CLDN11: variants seen among roughly 807,000 people sequenced by gnomAD.
CLDN11 encodes the protein claudin-11.
CLDN11 carries 1 observed loss-of-function variant against 18.0 expected under a neutral mutation model. The observed-to-expected ratio is 0.06, with a 90% confidence interval of 0.02 to 0.26. CLDN11 has a LOEUF of 0.26. CLDN11 is among the 10% of genes least tolerant of loss of function. The pLI is 1.00. For synonymous variants in CLDN11, 116 were observed against 121.5 expected (o/e 0.96, Z 0.30); for missense variants, 172 against 276.6 (o/e 0.62, Z 2.68).
At position 170,432,762 on chromosome 3, in the gene CLDN11, C is replaced by T. The variant is rs539467253; in HGVS notation, c.*6C>T. The T allele has an allele frequency of 6.2e-7, 1 of 1,613,744 alleles. No individual in the cohort carries two copies. ...CGAAGAGTGCCCACGTATAAGAGGG[C>T]TGCCCGGCTGCCCACAGAGGTGCTG... On this transcript the variant is annotated 3_prime_UTR_variant, in exon 3 of 3. Transcript: ENST00000064724.
In CLDN11 at chr3:170,424,491, A is replaced by G. The variant is rs184042814; in HGVS notation, c.391+1164A>G. ...CATAAAGGGCTTCATTTAACAACCT[A>G]TGGAGGGTCCTTCTAGCTCTCTTCT... On this transcript the variant is annotated intron_variant, in intron 2 of 2. Transcript: ENST00000064724. 4.6e-5 allele frequency among the ~76,000 whole-genome samples: 7 copies of G among 152,326 alleles called. No individual in the cohort carries two copies. In the East Asian group the frequency reaches 7.7e-4, roughly 17 times the overall value.
intron 2 of CLDN11, among the ~76,000 whole-genome samples, chr3:170,426,864 C>T (rs2108246346): frequency 6.6e-6 from 1 of 152,170 alleles, no homozygotes; most frequent in African/African-American, 2.4e-5. Context: ...TCACTGCAAC[C>T]TCTGCCACCT....
rs761111067 is a variant in CLDN11 at position 170,433,924 on chromosome 3, TG to T, written c.*1169del. 2.0e-5 allele frequency: 3 copies of T among 152,596 alleles called. No individual in the cohort carries two copies. Among genetic ancestry groups the T allele is most frequent in the Non-Finnish European group, 2.9e-5 (2 of 68,048 alleles). The allele number at this position is 152,596 out of a possible 1,614,324, so 9.5% of individuals were successfully genotyped here. ...CCCCCACTTTTCTCTCTATTTGTAT[TG>T]TTAGCCATCTTGAAGTGATGTTGTT... is the stretch of plus-strand genomic sequence containing the variant. On this transcript the variant is annotated 3_prime_UTR_variant, in exon 3 of 3. Coordinates refer to ENST00000064724, the MANE Select transcript of CLDN11 (RefSeq NM_005602.6).
chr3:170,423,070 G>A, intron 1 of CLDN11, 93 bp from the exon 2 acceptor site: 1 of 1,335,132 alleles, frequency 7.5e-7, no homozygotes, highest in Non-Finnish European at 1.1e-6. Flanking sequence ...CAAGAAGGAG[G>A]AAGGGAGATG....
rs1255188292 is a variant in CLDN11 at position 170,434,050 on chromosome 3, T to G, written c.*1294T>G. ...ACTCTCCAAATACTGATGGTGCATT[T>G]TATTCTTGAAGTGAAATCTGTGCAA... On this transcript the variant is annotated 3_prime_UTR_variant, in exon 3 of 3. Coordinates refer to ENST00000064724, the MANE Select transcript of CLDN11 (RefSeq NM_005602.6). The G allele has an allele frequency of 6.6e-6, 1 of 152,612 alleles. No homozygotes were observed. Among genetic ancestry groups the G allele is most frequent in the African/African-American group, 2.4e-5 (1 of 41,446 alleles). 9.5% of individuals were successfully genotyped at this position (152,612 alleles called of 1,614,324 possible). A position where few individuals can be genotyped will look rare whatever the true frequency, so the allele number is the denominator to read the frequency against.
chr3:170,424,935 G>T (rs1003644270), intron 2 of CLDN11, among the ~76,000 whole-genome samples: 1 of 47,356 alleles, frequency 2.1e-5, no homozygotes. Context: ...GTGTGTGTGT[G>T]TGTGTGCGCG....
chr3:170,421,196 C>A lies in CLDN11; in HGVS notation c.226+1904C>A, dbSNP rs528214277. ...GGCGCTAGTCCTTCCTGCCTTCCCC[C>A]TCCCTCATACTTTGGGTGGAGGCAG... On this transcript the variant is annotated intron_variant, in intron 1 of 2. Transcript: ENST00000064724. 3.7e-5 allele frequency: 28 copies of A among 757,126 alleles called. No individual in the cohort carries two copies. In the African/African-American group the frequency reaches 4.0e-4, roughly 11 times the overall value. The allele number at this position is 757,126 out of a possible 1,614,324, so 46.9% of individuals were successfully genotyped here.
intron 2 of CLDN11, among the ~76,000 whole-genome samples, chr3:170,428,225 C>T (rs1738910844): frequency 6.6e-6 from 1 of 151,282 alleles, no homozygotes; most frequent in Non-Finnish European, 1.5e-5. Flanking sequence ...CTTTGTCTGT[C>T]TGTCTGTCTC....
At position 170,419,149 on chromosome 3, in the gene CLDN11, A is replaced by G. The variant is rs557017306; in HGVS notation, c.83A>G (p.Asn28Ser). 5.8e-6 allele frequency: 9 copies of G among 1,552,562 alleles called. No homozygotes were observed. The highest frequency in any genetic ancestry group is 7.8e-6 in the Non-Finnish European group (9 of 1,147,856). ...WIGVIVTTST[N>S]DWVVTCGYTI... ...GGGGTCATCGTGACCACCTCCACCA[A>G]TGACTGGGTGGTGACCTGCGGCTAC... Residue 28 changes from asparagine (N) to serine (S), a missense_variant, in exon 1 of 3, where the codon AAT becomes AGT. Physicochemically the swap from Asn to Ser is conservative, Grantham distance 46 (BLOSUM62 1). Around this residue, in one of 3 missense-constraint regions of CLDN11, gnomAD observed 161 missense variants for 240.3 expected, o/e 0.67. Transcript: ENST00000064724. This position sits in a 1 kb window ranked among gnomAD's most constrained non-coding sequence, Gnocchi z 8.6.
Position 170,432,997 on chromosome 3 carries a change from CT to C in CLDN11, c.*242del, listed in dbSNP as rs984501441. 4 of 415,008 alleles carry C rather than the reference CT, an allele frequency of 9.6e-6. No individual in the cohort carries two copies. In the Admixed American group the frequency reaches 1.1e-4, roughly 11 times the overall value. 25.7% of individuals were successfully genotyped at this position (415,008 alleles called of 1,614,324 possible). On this transcript the variant is annotated 3_prime_UTR_variant, in exon 3 of 3. Coordinates refer to ENST00000064724, the MANE Select transcript of CLDN11 (RefSeq NM_005602.6). ...ACATTTTTTTCCCTTGGTGTTGCCC[CT>C]ATTAGCTCTTTTCTTGGGCATTCTT...
At position 170,434,457 on chromosome 3, in the gene CLDN11, A is replaced by G. The variant is rs1224143117; in HGVS notation, c.*1701A>G. On this transcript the variant is annotated 3_prime_UTR_variant, in exon 3 of 3. Coordinates refer to ENST00000064724, the MANE Select transcript of CLDN11 (RefSeq NM_005602.6). Reference sequence around the variant, plus strand: ...ATTGATTGGCTAGGTATAAAAAGAGAATTAACGAAACCTATTTTATTGGAT... The same window carrying G: ...ATTGATTGGCTAGGTATAAAAAGAGGATTAACGAAACCTATTTTATTGGAT... Among the ~76,000 whole-genome samples the G allele has an allele frequency of 6.6e-6, 1 of 152,232 alleles. No homozygotes were observed. The highest frequency in any genetic ancestry group is 2.4e-5 in the African/African-American group (1 of 41,460).
At chr3:170,421,570 G>T (rs1351719156) in intron 1 of CLDN11, among the ~76,000 whole-genome samples, 1 of 152,178 alleles carries the variant, frequency 6.6e-6, no homozygotes, top group Non-Finnish European at 1.5e-5. Flanking sequence ...CTTTTTGCAC[G>T]TGAGGGTCGT....
intron 1 of CLDN11, among the ~76,000 whole-genome samples, chr3:170,422,484 C>T (rs980045812): frequency 1.3e-5 from 2 of 152,118 alleles, no homozygotes; most frequent in South Asian, 2.1e-4. Flanking sequence ...TGCAGTGGCT[C>T]GATCTCAGCT....
rs116388244 is a variant in CLDN11, at chr3:170,431,486, A to G, written c.392-1038A>G. On this transcript the variant is annotated intron_variant, in intron 2 of 2. Coordinates refer to ENST00000064724, the MANE Select transcript of CLDN11 (RefSeq NM_005602.6). ...CTAGCTACATGTGGCCATTTAAATT[A>G]AAATTAATGAAAATTCAAAATTCAG... Among the ~76,000 whole-genome samples the G allele has an allele frequency of 6.1e-3, 929 of 152,356 alleles. 11 individuals carry two copies. The highest frequency in any genetic ancestry group is 8.3e-3 in the Non-Finnish European group (568 of 68,036).
At chr3:170,427,156 T>C (rs1335062924) in intron 2 of CLDN11, among the ~76,000 whole-genome samples, 1 of 152,226 alleles carries the variant, frequency 6.6e-6, no homozygotes. Context: ...ATGGCTGTAA[T>C]ATATGCTTCA....
Position 170,418,903 on chromosome 3 carries a change from G to A in CLDN11, c.-164G>A, listed in dbSNP as rs1407171021. On this transcript the variant is annotated 5_prime_UTR_variant, in exon 1 of 3. Coordinates refer to ENST00000064724, the MANE Select transcript of CLDN11 (RefSeq NM_005602.6). The surrounding 1 kb of genome is among the most constrained non-coding windows in gnomAD (Gnocchi z 4.3). ...TCCCCGCCGTGCGCCCTTCGCCGCTGAGCTCGCAGCCTCCGGCGCCCACCT... is the reference window on the plus strand; with the variant it reads ...TCCCCGCCGTGCGCCCTTCGCCGCTAAGCTCGCAGCCTCCGGCGCCCACCT... 3 of 584,340 alleles carry A rather than the reference G, an allele frequency of 5.1e-6. No homozygotes were observed. The East Asian group carries it at 8.9e-5, about 17-fold the overall frequency. The allele number at this position is 584,340 out of a possible 1,614,324, so 36.2% of individuals were successfully genotyped here. A position where few individuals can be genotyped will look rare whatever the true frequency, so the allele number is the denominator to read the frequency against.
intron 2 of CLDN11, among the ~76,000 whole-genome samples, chr3:170,431,546 A>G (rs1419884888): frequency 1.3e-5 from 2 of 152,190 alleles, no homozygotes; most frequent in Non-Finnish European, 2.9e-5. Flanking sequence ...CAAATGATCA[A>G]TGGTCCCACA....
intron 2 of CLDN11, among the ~76,000 whole-genome samples, chr3:170,425,677 T>C (rs148252254): frequency 1.3e-5 from 2 of 152,226 alleles, no homozygotes; most frequent in Non-Finnish European, 2.9e-5. Context: ...AAGCAGGACA[T>C]GGAGGGACCT....
Position 170,419,436 on chromosome 3 carries a change from A to T in CLDN11, c.226+144A>T. The T allele has an allele frequency of 1.6e-6, 1 of 614,676 alleles. No homozygotes were observed. The highest frequency in any genetic ancestry group is 2.8e-6 in the Non-Finnish European group (1 of 351,294). 38.1% of individuals were successfully genotyped at this position (614,676 alleles called of 1,614,324 possible). ...CATCCCTAGTCCCACCTTGTTGTAA[A>T]AGAATTAGGCAGCCCCGAACTTAAC... On this transcript the variant is annotated intron_variant, in intron 1 of 2. Coordinates refer to ENST00000064724, the MANE Select transcript of CLDN11 (RefSeq NM_005602.6). This position sits in a 1 kb window ranked among gnomAD's most constrained non-coding sequence, Gnocchi z 8.6.
Sources: gnomAD v4.1 joint callset for allele counts (sites outside exome capture counted in the v4.1 genomes callset) on GRCh38, gnomAD v4.1.1 for gene constraint, gnomAD v4.1.1 regional missense constraint, Gnocchi (gnomAD v3.1) non-coding constraint, MANE v1.5 for transcripts, NCBI Gene and HGNC (gene_info 2026-07-23, HGNC 2026-07-21) for gene names.